Variants in PTCD3 observed in about 807,000 individuals in gnomAD.
PTCD3 encodes small ribosomal subunit protein mS39.
A neutral mutation model predicts 101.9 loss-of-function variants in PTCD3; 89 were observed. The ratio of observed to expected loss-of-function variants is 0.87; its 90% CI spans 0.74 to 1.04. PTCD3 has a LOEUF of 1.04. PTCD3 is among the 50% of genes least tolerant of loss of function. The pLI, the probability that PTCD3 is intolerant of heterozygous loss-of-function variation, is 0.00. For missense variants in PTCD3, 870 were observed against 828.2 expected (o/e 1.05, Z -0.62); for synonymous variants, 296 against 278.5 (o/e 1.06, Z -0.63).
At position 86,125,021 on chromosome 2, in the gene PTCD3, T is replaced by A. The variant is rs369460544; in HGVS notation, c.743T>A (p.Phe248Tyr). Residue 248 changes from phenylalanine to tyrosine, a missense_variant, in exon 10 of 24, where the codon TTT (phenylalanine) becomes TAT (tyrosine). Phe to Tyr is a conservative substitution (Grantham distance 22). Coordinates refer to ENST00000254630, the MANE Select transcript of PTCD3 (RefSeq NM_017952.6). Reference sequence around the variant, plus strand: ...GCAAAAAACAACGCTGAGAGAATCTTTTCTCTAATGCCAGAGAAAAATGAA... The same window carrying A: ...GCAAAAAACAACGCTGAGAGAATCTATTCTCTAATGCCAGAGAAAAATGAA... ...WRAKNNAERI[F>Y]SLMPEKNEHS... 109 of 1,614,002 alleles carry A rather than the reference T, an allele frequency of 6.8e-5. No individual in the cohort carries two copies. The Middle Eastern group carries it at 8.2e-4, about 12-fold the overall frequency.
intron 19 of PTCD3, 24 bp from the exon 20 acceptor site, chr2:86,134,268 T>C: frequency 6.5e-7 from 1 of 1,544,160 alleles, no homozygotes; most frequent in African/African-American, 1.4e-5. Flanking sequence ...CAATGATCAC[T>C]CCTTGTTCCT....
At chr2:86,108,216 C>G (rs1381330021) in intron 1 of PTCD3, 134 bp from the exon 2 acceptor site, 15 of 949,740 alleles carry the variant, frequency 1.6e-5, no homozygotes, top group Non-Finnish European at 2.2e-5. Flanking sequence ...ACTGTCTTCT[C>G]AGCGTTCATT....
At chr2:86,136,739 C>A in intron 22 of PTCD3, 177 bp downstream of exon 22, 1 of 798,368 alleles carries the variant, frequency 1.3e-6, no homozygotes, top group Non-Finnish European at 2.1e-6. Flanking sequence ...GTTGACGGAT[C>A]ATCATACATT....
chr2:86,133,008 A>C, intron 17 of PTCD3, 170 bp from the exon 18 acceptor site: 2 of 1,032,346 alleles, frequency 1.9e-6, no homozygotes, highest in Non-Finnish European at 2.7e-6. Context: ...TTAATTGAGA[A>C]GTCAGCACAC....
intron 3 of PTCD3, among the ~76,000 whole-genome samples, chr2:86,109,708 C>T (rs1313903286): frequency 1.3e-5 from 2 of 152,298 alleles, no homozygotes; most frequent in East Asian, 1.9e-4. Flanking sequence ...TGCATATATA[C>T]ATGGACAAGA....
At position 86,135,056 on chromosome 2, in the gene PTCD3, T is replaced by C. The variant is rs1420540469; in HGVS notation, c.1778+69T>C. ...TTGAATCTAAAACATTGGCCCACGC[T>C]GGTAGAGGTTCTTTCATTTGGCCAC... On this transcript the variant is annotated intron_variant, in intron 21 of 23. Coordinates refer to ENST00000254630, the MANE Select transcript of PTCD3 (RefSeq NM_017952.6). 4.0e-6 allele frequency: 6 copies of C among 1,485,772 alleles called. No individual in the cohort carries two copies. In the South Asian group the frequency reaches 5.3e-5, roughly 13 times the overall value. 92.0% of individuals were successfully genotyped at this position (1,485,772 alleles called of 1,614,324 possible).
chr2:86,110,884 T>G, intron 3 of PTCD3: 1 of 727,980 alleles, frequency 1.4e-6, no homozygotes, highest in Non-Finnish European at 2.6e-6. Context: ...GGTTATGGCA[T>G]TATGCACCAG....
chr2:86,108,729 A>G, intron 3 of PTCD3, 193 bp downstream of exon 3: 1 of 487,108 alleles, frequency 2.1e-6, no homozygotes, highest in Non-Finnish European at 3.7e-6. Context: ...TGAATGAGCA[A>G]TGAGATTTAC....
At chr2:86,118,618 G>A (rs2104452201) in intron 6 of PTCD3, among the ~76,000 whole-genome samples, 1 of 152,344 alleles carries the variant, frequency 6.6e-6, no homozygotes, top group East Asian at 1.9e-4. Context: ...CAAGCTTAAT[G>A]TCTGGGGTAA....
Position 86,125,477 on chromosome 2 carries a change from T to C in PTCD3, c.827T>C (p.Leu276Ser). 1.9e-6 allele frequency: 3 copies of C among 1,613,382 alleles called. No homozygotes were observed. The South Asian group carries it at 3.3e-5, about 18-fold the overall frequency. ...CAGCACCGAGCTTATGAGCAGGCAT[T>C]AAACTTGTACACTGAGTTACTAAAC... Reference protein sequence around the residue: ...MVKHRAYEQALNLYTELLNNR... With the variant: ...MVKHRAYEQASNLYTELLNNR... The change falls in exon 11 of 24, where the codon TTA (leucine) becomes TCA (serine). Residue 276 changes from leucine (L) to serine (S), a missense_variant. Leu to Ser is a moderately radical substitution (Grantham distance 145). Coordinates refer to ENST00000254630, the MANE Select transcript of PTCD3 (RefSeq NM_017952.6).
chr2:86,124,888 A>G, intron 9 of PTCD3, 107 bp from the exon 10 acceptor site: 1 of 1,423,246 alleles, frequency 7.0e-7, no homozygotes, highest in Non-Finnish European at 9.3e-7. Context: ...TAATGTATAG[A>G]AAGTACTTGG....
chr2:86,137,338 A>G (rs1452693092), intron 23 of PTCD3, 131 bp from the exon 24 acceptor site: 2 of 1,372,498 alleles, frequency 1.5e-6, no homozygotes, highest in African/African-American at 1.5e-5. Context: ...TTTCTAATAT[A>G]GTTTAATGCA....
chr2:86,125,046 A>G lies in PTCD3; in HGVS notation c.768A>G (p.Glu256=), dbSNP rs1251513086. Residue 256 remains glutamate, a synonymous_variant, in exon 10 of 24, where the codon GAA becomes GAG. Coordinates refer to ENST00000254630, the MANE Select transcript of PTCD3 (RefSeq NM_017952.6). ...TTTCTCTAATGCCAGAGAAAAATGA[A>G]CATTCCTATTGCACAATGATCCGAG... ...RIFSLMPEKN[E]HSYCTMIRGM... is the part of the protein sequence containing the mutation. 3.7e-6 allele frequency: 6 copies of G among 1,614,004 alleles called. No homozygotes were observed. In the African/African-American group the frequency reaches 8.0e-5, roughly 22 times the overall value.
In PTCD3 at chr2:86,133,318, GC is replaced by G. The variant is rs139812344; in HGVS notation, c.1453-27del. ...ATGAATTGGGTTTCTGCAGATTAAT[GC>G]TTTAAAAATGTGTTTCTCTTAATCA... is the stretch of plus-strand genomic sequence containing the variant. On this transcript the variant is annotated intron_variant, in intron 18 of 23. Coordinates refer to ENST00000254630, the MANE Select transcript of PTCD3 (RefSeq NM_017952.6). 12,724 of 1,613,798 alleles carry G rather than the reference GC, an allele frequency of 7.9e-3. 856 individuals carry two copies. The African/African-American group carries it at 0.15, about 19-fold the overall frequency.
Position 86,133,575 on chromosome 2 carries a change from A to G in PTCD3, c.1543+139A>G, listed in dbSNP as rs1674530153. The G allele has an allele frequency of 3.0e-5, 26 of 876,708 alleles. No individual in the cohort carries two copies. In the East Asian group the frequency reaches 6.2e-4, roughly 21 times the overall value. 54.3% of individuals were successfully genotyped at this position (876,708 alleles called of 1,614,324 possible). On this transcript the variant is annotated intron_variant, in intron 19 of 23. Transcript: ENST00000254630. ...AATGTGTTAGTTGAGATGTACTTCAAGGTCATGTGCTCATGTTGCATGTTG... is the reference window on the plus strand; with the variant it reads ...AATGTGTTAGTTGAGATGTACTTCAGGGTCATGTGCTCATGTTGCATGTTG...
chr2:86,110,394 CTTTA>C lies in PTCD3; in HGVS notation c.195-714_195-711del, dbSNP rs1186058172. ...ATAGTCTTAAGAATGTTATGTTAAACTTTATTTAGAAAAATACTCTTGGTATAAT... is the reference window on the plus strand; with the variant it reads ...ATAGTCTTAAGAATGTTATGTTAAACTTTAGAAAAATACTCTTGGTATAAT... On this transcript the variant is annotated intron_variant, in intron 3 of 23. Coordinates refer to ENST00000254630, the MANE Select transcript of PTCD3 (RefSeq NM_017952.6). Among the ~76,000 whole-genome samples, 4 of 152,234 alleles carry C rather than the reference CTTTA, an allele frequency of 2.6e-5. No homozygotes were observed. The East Asian group carries it at 5.8e-4, about 22-fold the overall frequency.
chr2:86,120,277 G>A (rs746697565), intron 7 of PTCD3, among the ~76,000 whole-genome samples: 4 of 152,108 alleles, frequency 2.6e-5, no homozygotes, highest in Non-Finnish European at 5.9e-5. Context: ...GTAAAGACAG[G>A]TGTCAGACCC....
At chr2:86,111,406 G>A (rs1159038136) in intron 4 of PTCD3, among the ~76,000 whole-genome samples, 1 of 152,034 alleles carries the variant, frequency 6.6e-6, no homozygotes, top group Non-Finnish European at 1.5e-5. Context: ...GGCTAACACA[G>A]TGAAACCCCG....
rs1366692692 is a variant in PTCD3 at position 86,140,608 on chromosome 2, A to T, written c.*3049A>T. 1 of 152,214 alleles carries T rather than the reference A, an allele frequency of 6.6e-6. No homozygotes were observed. The highest frequency in any genetic ancestry group is 1.5e-5 in the Non-Finnish European group (1 of 68,034). 9.4% of individuals were successfully genotyped at this position (152,214 alleles called of 1,614,324 possible). A position where few individuals can be genotyped will look rare whatever the true frequency, so the allele number is the denominator to read the frequency against. ...CACTAGGAGCATGGATGTATAAGGC[A>T]GGTTTTATACAACCATTTAGATTCA... On this transcript the variant is annotated 3_prime_UTR_variant, in exon 24 of 24. Coordinates refer to ENST00000254630, the MANE Select transcript of PTCD3 (RefSeq NM_017952.6).
Sources: gnomAD v4.1 joint callset for allele counts (sites outside exome capture counted in the v4.1 genomes callset) on GRCh38, gnomAD v4.1.1 for gene constraint, MANE v1.5 for transcripts, NCBI Gene and HGNC (gene_info 2026-07-23, HGNC 2026-07-21) for gene names.